RPL21: variants seen among roughly 807,000 people sequenced by gnomAD.
The protein encoded by RPL21 is ribosomal protein L21.
A neutral mutation model predicts 21.2 loss-of-function variants in RPL21; 1 was observed. The observed-to-expected ratio is 0.05, with a 90% CI of 0.02 to 0.22. RPL21 has a LOEUF of 0.22. RPL21 is among the 10% of genes least tolerant of loss of function. The pLI is 1.00. For synonymous variants in RPL21, 52 were observed against 62.9 expected (o/e 0.83, Z 0.82); for missense variants, 113 against 199.4 (o/e 0.57, Z 2.61).
At chr13:27,255,397 C>T (rs1881850715) in intron 4 of RPL21, 43 bp downstream of exon 4, 1 of 823,602 alleles carries the variant, frequency 1.2e-6, no homozygotes, top group Admixed American at 1.7e-5. Flanking sequence ...AGTATTCCCT[C>T]ATATACCCCC....
intron 1 of RPL21, among the ~76,000 whole-genome samples, chr13:27,252,808 AT>A: frequency 6.6e-6 from 1 of 152,354 alleles, no homozygotes; most frequent in East Asian, 1.9e-4. Flanking sequence ...TTTGGGAGCC[AT>A]TCTTAAAGGA....
chr13:27,255,811 A>T (rs1593262606), intron 4 of RPL21: 1 of 327,600 alleles, frequency 3.1e-6, no homozygotes, highest in East Asian at 8.4e-5. Flanking sequence ...TGACCTCGTG[A>T]TCTGCCTGCC....
intron 4 of RPL21, 190 bp downstream of exon 4, chr13:27,255,544 A>G (rs1323084967): frequency 8.0e-6 from 6 of 749,558 alleles, no homozygotes; most frequent in African/African-American, 1.7e-5. Flanking sequence ...GATTTACTGG[A>G]AAGTCTTACA....
intron 4 of RPL21, 82 bp downstream of exon 4, chr13:27,255,436 T>A (rs1555248770): frequency 6.4e-6 from 5 of 782,250 alleles, no homozygotes; most frequent in Non-Finnish European, 1.2e-5. Flanking sequence ...GACTTATGTC[T>A]TTATTGGTCA....
At chr13:27,255,962 A>T in intron 4 of RPL21, 1 of 529,732 alleles carries the variant, frequency 1.9e-6, no homozygotes, top group Non-Finnish European at 3.4e-6. Flanking sequence ...TTAAGAGACC[A>T]TCATCTCATC....
rs74403575 is a variant in RPL21 at position 27,252,628 on chromosome 13, T to C, written c.-13+1043T>C. Among the ~76,000 whole-genome samples the C allele has an allele frequency of 2.0e-3, 306 of 152,340 alleles. 2 individuals are homozygous for C. The East Asian group carries it at 0.034, about 17-fold the overall frequency. On this transcript the variant is annotated intron_variant, in intron 1 of 5. Coordinates refer to ENST00000311549, the MANE Select transcript of RPL21 (RefSeq NM_000982.4). ...CTTGAATCTACACAGTATCACCCTT[T>C]GTGTACTAACTTAGCACAAGTTTTT...
chr13:27,252,316 G>A (rs746203967), intron 1 of RPL21, among the ~76,000 whole-genome samples: 11 of 152,226 alleles, frequency 7.2e-5, no homozygotes, highest in Admixed American at 2.6e-4. Context: ...CATGCTTTGA[G>A]TGAAGGGAAA....
At chr13:27,253,742 ACT>A (rs374910143) in intron 1 of RPL21, 21 bp from the exon 2 acceptor site, 63 of 1,375,158 alleles carry the variant, frequency 4.6e-5, no homozygotes, top group Middle Eastern at 4.0e-4. Context: ...GTCGTATTTG[ACT>A]GTTCTGCTTT....
chr13:27,256,025 AATTG>A (rs1881887287), intron 4 of RPL21, among the ~76,000 whole-genome samples, 155 bp from the exon 5 acceptor site: 1 of 152,212 alleles, frequency 6.6e-6, no homozygotes, highest in African/African-American at 2.4e-5. Flanking sequence ...TGATATGATT[AATTG>A]ATTGTAAATT....
intron 1 of RPL21, among the ~76,000 whole-genome samples, chr13:27,252,114 C>T (rs1295035578): frequency 1.3e-5 from 2 of 152,152 alleles, no homozygotes; most frequent in East Asian, 3.8e-4. Context: ...CCCGGGCTCT[C>T]GGTCGGAGAG....
At chr13:27,255,471 C>T in intron 4 of RPL21, 117 bp downstream of exon 4, 2 of 769,536 alleles carry the variant, frequency 2.6e-6, no homozygotes, top group Admixed American at 1.7e-5. Context: ...AGGAAATATC[C>T]TTTTAAAACT....
At chr13:27,254,471 A>C (rs183834481) in intron 3 of RPL21, 190 bp downstream of exon 3, 1 of 539,038 alleles carries the variant, frequency 1.9e-6, no homozygotes, top group Non-Finnish European at 3.2e-6. Flanking sequence ...TCTCACCTCA[A>C]CCTCCGCCTC....
chr13:27,253,815 T>C lies in RPL21; in HGVS notation c.39T>C (p.Tyr13=), dbSNP rs774029328. The change falls in exon 2 of 6, where the codon TAT becomes TAC. Residue 13 remains tyrosine (Y), a synonymous_variant. Coordinates refer to ENST00000311549, the MANE Select transcript of RPL21 (RefSeq NM_000982.4). ...NTKGKRRGTR[Y]MFSRPFRKHG... ...AGGGAAAGAGGAGAGGCACCCGATA[T>C]ATGTTCTCTAGGCCTTTTAGAAAAC... 32 of 1,606,034 alleles carry C rather than the reference T, an allele frequency of 2.0e-5. No individual in the cohort carries two copies. The highest frequency in any genetic ancestry group is 6.7e-5 in the Admixed American group (4 of 59,998).
intron 3 of RPL21, among the ~76,000 whole-genome samples, chr13:27,254,752 G>A (rs1413830885): frequency 6.6e-6 from 1 of 152,078 alleles, no homozygotes; most frequent in Non-Finnish European, 1.5e-5. Context: ...TGAACACCTC[G>A]GGTGATCCGC....
chr13:27,253,691 C>A, intron 1 of RPL21, 74 bp from the exon 2 acceptor site: 1 of 813,068 alleles, frequency 1.2e-6, no homozygotes, highest in Admixed American at 1.7e-5. Context: ...GAAATGTGAA[C>A]ATTTGAAATT....
intron 3 of RPL21, 129 bp from the exon 4 acceptor site, chr13:27,255,113 A>G (rs1368120820): frequency 2.6e-6 from 2 of 775,540 alleles, no homozygotes; most frequent in African/African-American, 1.7e-5. Context: ...TGTGAAAAAC[A>G]CATTTCACCG....
chr13:27,255,018 A>C (rs752164923), intron 3 of RPL21: 4 of 720,746 alleles, frequency 5.5e-6, no homozygotes, highest in Non-Finnish European at 1.0e-5. Context: ...TCCTAGTGAA[A>C]GCTGTGTTCT....
intron 1 of RPL21, among the ~76,000 whole-genome samples, chr13:27,252,693 A>G (rs1881707640): frequency 6.6e-6 from 1 of 152,250 alleles, no homozygotes; most frequent in East Asian, 1.9e-4. Flanking sequence ...GGATTGGAAC[A>G]GAGTACCTGG....
chr13:27,253,734 C>T (rs1555248549), intron 1 of RPL21, 31 bp from the exon 2 acceptor site: 8 of 1,248,548 alleles, frequency 6.4e-6, no homozygotes, highest in South Asian at 3.6e-5. Flanking sequence ...AGTTTTCAGT[C>T]GTATTTGACT....
Sources: allele counts gnomAD v4.1 joint callset (sites outside exome capture counted in the v4.1 genomes callset), GRCh38; gene constraint gnomAD v4.1.1; transcripts MANE v1.5; gene names NCBI Gene and HGNC (gene_info 2026-07-23, HGNC 2026-07-21).